Variants in MYH15 observed in about 807,000 individuals in gnomAD.
MYH15 encodes the protein myosin heavy chain 15.
A neutral mutation model predicts 240.5 loss-of-function variants in MYH15; 227 were observed. That is an observed-to-expected ratio of 0.94 (90% CI 0.85 to 1.05). The LOEUF (loss-of-function observed/expected upper bound fraction) is 1.05. MYH15 is among the 50% of genes least tolerant of loss of function. The pLI is 0.00. For missense variants in MYH15, 2,217 were observed against 2,247.5 expected, an observed-to-expected ratio of 0.99 and a Z score of 0.27; for synonymous variants, 785 against 796.7, an observed-to-expected ratio of 0.99 and a Z score of 0.25.
At chr3:108,452,814 T>C (rs1399909162) in intron 21 of MYH15, among the ~76,000 whole-genome samples, 1 of 151,952 alleles carries the variant, frequency 6.6e-6, no homozygotes, top group African/African-American at 2.4e-5. Flanking sequence ...TGTTAGCAAT[T>C]ACAGAAAAAA....
chr3:108,541,237 A>C, the MYH15 span, among the ~76,000 whole-genome samples: 1 of 152,018 alleles, frequency 6.6e-6, no homozygotes, highest in Non-Finnish European at 1.5e-5. Flanking sequence ...GCAAGTGTAC[A>C]GGAAAATTCT....
rs1302489660 is a variant in MYH15, at chr3:108,454,043, G to C, written c.2362C>G (p.Leu788Val). 2 of 1,612,570 alleles carry C rather than the reference G, an allele frequency of 1.2e-6. No homozygotes were observed. The highest frequency in any genetic ancestry group is 1.7e-6 in the Non-Finnish European group (2 of 1,179,092). The change falls in exon 21 of 41, where the codon CTG (leucine) becomes GTG (valine). Residue 788 changes from leucine to valine, a missense_variant. Leu to Val is a conservative substitution (Grantham distance 32, BLOSUM62 1). Coordinates refer to ENST00000693548, the MANE Select transcript of MYH15 (RefSeq NM_014981.3). The part of the protein sequence containing the change: ...TLFQARAQGK[L>V]MRIKFQKILE... ...ATCTTCTGGAATTTGATTCGCATCA[G>C]TTTGCCCTGTGCTCTGGCTTGGAAC...
chr3:108,489,129 G>T (rs2083327821), intron 9 of MYH15, among the ~76,000 whole-genome samples: 1 of 152,138 alleles, frequency 6.6e-6, no homozygotes, highest in African/African-American at 2.4e-5. Flanking sequence ...TTGCTATTGA[G>T]TTGAGTTCTT....
intron 15 of MYH15, among the ~76,000 whole-genome samples, 182 bp from the exon 16 acceptor site, chr3:108,463,425 C>T (rs986044213): frequency 3.9e-5 from 6 of 152,040 alleles, no homozygotes; most frequent in African/African-American, 1.4e-4. Flanking sequence ...ATCAATCCTT[C>T]CCCCTCAGCC....
chr3:108,531,803 A>AATAAATAC (rs1278373735), upstream of MYH15, among the ~76,000 whole-genome samples: 112 of 150,764 alleles, frequency 7.4e-4, 1 homozygote, highest in Non-Finnish European at 1.1e-3. Flanking sequence ...TAAATAAATA[A>AATAAATAC]ATACATAAAT....
At chr3:108,384,625 A>G in intron 39 of MYH15, 62 bp downstream of exon 39, 1 of 1,453,984 alleles carries the variant, frequency 6.9e-7, no homozygotes. Context: ...AGGGTCACAG[A>G]TCTCCCTTAA....
At chr3:108,416,065 G>T (rs900489178) in intron 29 of MYH15, among the ~76,000 whole-genome samples, 1 of 152,172 alleles carries the variant, frequency 6.6e-6, no homozygotes, top group African/African-American at 2.4e-5. Context: ...TATGAAGATT[G>T]AGATAACATG....
chr3:108,514,453 C>A (rs1156523984), upstream of MYH15, among the ~76,000 whole-genome samples: 1 of 152,274 alleles, frequency 6.6e-6, no homozygotes, highest in East Asian at 1.9e-4. Flanking sequence ...TGAATATATT[C>A]ATGCAATATA....
chr3:108,436,172 A>T (rs2082833760), intron 25 of MYH15, among the ~76,000 whole-genome samples: 1 of 151,812 alleles, frequency 6.6e-6, no homozygotes, highest in African/African-American at 2.4e-5. Context: ...TAATAAAGTT[A>T]CAACTTTTTG....
At chr3:108,459,563 C>T (rs1415049596) in intron 17 of MYH15, 114 bp from the exon 18 acceptor site, 1 of 572,706 alleles carries the variant, frequency 1.7e-6, no homozygotes, top group Non-Finnish European at 3.0e-6. Context: ...AAGATGTATT[C>T]TAACAGTAAA....
chr3:108,427,954 G>A (rs922155576), intron 27 of MYH15, among the ~76,000 whole-genome samples: 9 of 152,180 alleles, frequency 5.9e-5, no homozygotes, highest in Admixed American at 4.6e-4. Flanking sequence ...GTAACCATTT[G>A]ACATGACAGC....
intron 16 of MYH15, chr3:108,461,698 G>A (rs1362919810): frequency 2.0e-5 from 3 of 152,140 alleles, no homozygotes; most frequent in Non-Finnish European, 2.9e-5. Context: ...ATTAGAATCA[G>A]GCAAATGTAC....
In MYH15 at chr3:108,493,161, A is replaced by T; in HGVS notation, c.728T>A (p.Met243Lys). ...NSSRFGKFIR[M>K]HFGARGMLSS... ...CAGCATGCCTCTGGCACCAAAGTGC[A>T]TCCTGATGAATTTGCCCTAGTGTGG... Residue 243 changes from methionine to lysine, a missense_variant, in exon 8 of 41, where the codon ATG becomes AAG. Physicochemically the swap from Met to Lys is moderately conservative, Grantham distance 95. Transcript: ENST00000693548. 1 of 1,614,162 alleles carries T rather than the reference A, an allele frequency of 6.2e-7. No homozygotes were observed. Among genetic ancestry groups the T allele is most frequent in the Middle Eastern group, 1.6e-4 (1 of 6,062 alleles).
intron 33 of MYH15, among the ~76,000 whole-genome samples, chr3:108,400,204 T>A (rs2082493652): frequency 1.3e-5 from 2 of 152,194 alleles, no homozygotes; most frequent in Admixed American, 1.3e-4. Flanking sequence ...ACCTGGGTCT[T>A]TCAATGACTT....
At chr3:108,479,636 G>A (rs1294135307) in intron 11 of MYH15, among the ~76,000 whole-genome samples, 1 of 152,284 alleles carries the variant, frequency 6.6e-6, no homozygotes, top group Non-Finnish European at 1.5e-5. Context: ...GTTCCCCAGC[G>A]ATTCTGTTGA....
intron 27 of MYH15, 127 bp from the exon 28 acceptor site, chr3:108,421,341 A>G: frequency 2.8e-6 from 3 of 1,083,106 alleles, no homozygotes; most frequent in Non-Finnish European, 3.9e-6. Context: ...GAGCTCAGCC[A>G]GCATTGGGAG....
intron 35 of MYH15, among the ~76,000 whole-genome samples, chr3:108,397,763 C>A (rs2082473059): frequency 6.6e-6 from 1 of 152,196 alleles, no homozygotes; most frequent in Non-Finnish European, 1.5e-5. Context: ...TCAGCAGCCA[C>A]TCAGAATTGT....
intron 1 of MYH15, among the ~76,000 whole-genome samples, chr3:108,520,633 C>T (rs533947130): frequency 6.6e-6 from 1 of 152,254 alleles, no homozygotes; most frequent in African/African-American, 2.4e-5. Flanking sequence ...ACTAATTTAA[C>T]TCATTCCTCA....
intron 35 of MYH15, among the ~76,000 whole-genome samples, chr3:108,396,888 A>G (rs1353433097): frequency 1.3e-5 from 2 of 152,144 alleles, no homozygotes; most frequent in Non-Finnish European, 2.9e-5. Context: ...AGTATTTTTC[A>G]GTAGGGGGAA....
Sources: allele counts gnomAD v4.1 joint callset (sites outside exome capture counted in the v4.1 genomes callset), GRCh38; gene constraint gnomAD v4.1.1; transcripts MANE v1.5; gene names NCBI Gene and HGNC (gene_info 2026-07-23, HGNC 2026-07-21).